The following RBL1 variants were observed in gnomAD, a reference collection of about 807,000 sequenced individuals.
RBL1 encodes RB transcriptional corepressor like 1, also known as retinoblastoma-like protein 1.
RBL1 carries 82 observed loss-of-function variants against 123.0 expected under a neutral mutation model. The observed-to-expected ratio is 0.67, with a 90% CI of 0.56 to 0.80. RBL1 has a LOEUF of 0.80. Ranked by LOEUF, RBL1 falls within the 30% of genes least tolerant of loss-of-function variation. The pLI is 0.00. For missense variants in RBL1, 1,171 were observed against 1,299.6 expected (o/e 0.90, Z 1.52); for synonymous variants, 405 against 441.3 (o/e 0.92, Z 1.03).
At chr20:37,012,547 C>G (rs949611817) in intron 19 of RBL1, among the ~76,000 whole-genome samples, 1 of 151,522 alleles carries the variant, frequency 6.6e-6, no homozygotes, top group Non-Finnish European at 1.5e-5. Flanking sequence ...GCGCCTCTAC[C>G]CGGCCGCGAC....
At chr20:37,022,586 G>A in intron 17 of RBL1, 64 bp downstream of exon 17, 4 of 1,430,062 alleles carry the variant, frequency 2.8e-6, no homozygotes, top group South Asian at 1.6e-5. Context: ...CTTGACCTCC[G>A]AAAGTGCTAG....
rs1367228451 is a variant in RBL1 at position 37,032,792 on chromosome 20, G to A, written c.2255C>T (p.Ser752Leu). Residue 752 changes from serine (S) to leucine (L), a missense_variant, in exon 16 of 22, where the codon TCA becomes TTA. By Grantham distance (145) the Ser-to-Leu change is moderately radical (BLOSUM62 -2). Coordinates refer to ENST00000373664, the MANE Select transcript of RBL1 (RefSeq NM_002895.5). ...NQESKVKSPV[S>L]LTAHSLIGAS... is the part of the protein sequence containing the mutation. The stretch of plus-strand genomic sequence containing the variant: ...ACCAATTAATGAATGAGCAGTAAGT[G>A]ATACAGGACTCTTGACTTTGGACTC... 2 of 1,613,916 alleles carry A rather than the reference G, an allele frequency of 1.2e-6. No individual in the cohort carries two copies. The highest frequency in any genetic ancestry group is 1.7e-6 in the Non-Finnish European group (2 of 1,179,994).
At chr20:37,031,537 A>G (rs2064511227) in intron 16 of RBL1, among the ~76,000 whole-genome samples, 1 of 152,230 alleles carries the variant, frequency 6.6e-6, no homozygotes, top group African/African-American at 2.4e-5. Flanking sequence ...CAAAAAAACA[A>G]ACAAACCAGA....
At chr20:37,027,317 C>T (rs6130371) in intron 16 of RBL1, among the ~76,000 whole-genome samples, 20,777 of 151,834 alleles carry the variant, frequency 0.14, 2,155 homozygotes, top group East Asian at 0.47. Flanking sequence ...CTAGTCTGGG[C>T]GACAGAGCAA....
intron 13 of RBL1, among the ~76,000 whole-genome samples, chr20:37,043,526 G>A (rs1336013239): frequency 5.3e-5 from 8 of 151,620 alleles, no homozygotes; most frequent in East Asian, 3.9e-4. Flanking sequence ...AAAATTAGCC[G>A]GGTGTGGGTG....
intron 2 of RBL1, among the ~76,000 whole-genome samples, chr20:37,085,736 C>T (rs950873874): frequency 9.2e-5 from 13 of 141,380 alleles, no homozygotes; most frequent in Admixed American, 2.3e-4. Flanking sequence ...TCGCTATAAG[C>T]GCCGCCTCCT....
At chr20:37,017,524 G>A (rs573768627) in intron 19 of RBL1, among the ~76,000 whole-genome samples, 4 of 152,108 alleles carry the variant, frequency 2.6e-5, no homozygotes, top group African/African-American at 4.8e-5. Context: ...GATTACTAGT[G>A]CCTGAAGTCT....
At chr20:37,003,291 C>T (rs2064016688) in intron 21 of RBL1, among the ~76,000 whole-genome samples, 1 of 152,156 alleles carries the variant, frequency 6.6e-6, no homozygotes, top group South Asian at 2.1e-4. Flanking sequence ...GAGATGATCA[C>T]AGAGTTGTCT....
chr20:37,067,579 G>A (rs1452638389), intron 3 of RBL1, among the ~76,000 whole-genome samples: 1 of 151,648 alleles, frequency 6.6e-6, no homozygotes, highest in Non-Finnish European at 1.5e-5. Context: ...GACCACCTTG[G>A]CCAACACGGT....
At chr20:37,009,077 T>G (rs2064115428) in intron 19 of RBL1, among the ~76,000 whole-genome samples, 1 of 151,724 alleles carries the variant, frequency 6.6e-6, no homozygotes, top group Non-Finnish European at 1.5e-5. Context: ...CAGCCTGGAG[T>G]GCAGTGGTGC....
intron 16 of RBL1, among the ~76,000 whole-genome samples, chr20:37,030,883 C>T (rs1296284965): frequency 6.9e-6 from 1 of 145,758 alleles, no homozygotes; most frequent in Non-Finnish European, 1.5e-5. Flanking sequence ...AACAAAAAAC[C>T]CAAAAAACGA....
intron 1 of RBL1, 25 bp downstream of exon 1, chr20:37,095,748 G>T: frequency 1.3e-6 from 2 of 1,558,452 alleles, no homozygotes. Context: ...GGTAGGGTCC[G>T]GCCGCCCCAC....
chr20:37,087,250 G>A (rs752801586), intron 2 of RBL1, among the ~76,000 whole-genome samples: 4 of 151,808 alleles, frequency 2.6e-5, no homozygotes, highest in South Asian at 2.1e-4. Flanking sequence ...CAGGAGAATC[G>A]CTTGAACCCG....
At position 37,016,021 on chromosome 20, in the gene RBL1, GTT is replaced by G. The variant is rs1205524942; in HGVS notation, c.2722+2256_2722+2257del. Among the ~76,000 whole-genome samples the G allele has an allele frequency of 3.9e-3, 434 of 112,500 alleles. 1 individual carries two copies. The highest frequency in any genetic ancestry group is 0.013 in the African/African-American group (384 of 30,008). The allele number at this position is 112,500 out of a possible 152,430, so 73.8% of individuals were successfully genotyped here. A position where few individuals can be genotyped will look rare whatever the true frequency, so the allele number is the denominator to read the frequency against. On this transcript the variant is annotated intron_variant, in intron 19 of 21. Transcript: ENST00000373664. ...CAGGCGTGAGCCACCGTGCCCAGCG[GTT>G]TTTTTTTTTTTTTTTTTTTCTTGAG...
chr20:37,043,982 A>G (rs1164051800), intron 13 of RBL1, 104 bp downstream of exon 13: 22 of 895,478 alleles, frequency 2.5e-5, no homozygotes, highest in Non-Finnish European at 3.2e-5. Context: ...TGAATTGTAC[A>G]CTTAAAATGG....
intron 18 of RBL1, 66 bp downstream of exon 18, chr20:37,020,593 T>C: frequency 9.2e-7 from 1 of 1,092,600 alleles, no homozygotes; most frequent in South Asian, 1.5e-5. Flanking sequence ...GTTTACCTTT[T>C]ATATAACTTG....
At chr20:37,028,701 G>C (rs2064461371) in intron 16 of RBL1, among the ~76,000 whole-genome samples, 1 of 152,044 alleles carries the variant, frequency 6.6e-6, no homozygotes, top group Non-Finnish European at 1.5e-5. Flanking sequence ...TCCAGAGGCT[G>C]GCCAACTACT....
At chr20:37,082,031 T>A (rs1285298233) in intron 2 of RBL1, 1 of 456,120 alleles carries the variant, frequency 2.2e-6, no homozygotes, top group South Asian at 1.5e-5. Flanking sequence ...CAGCAGCCCC[T>A]AGAAGACAGC....
At chr20:37,084,823 T>C (rs531968613) in intron 2 of RBL1, among the ~76,000 whole-genome samples, 1 of 152,332 alleles carries the variant, frequency 6.6e-6, no homozygotes, top group South Asian at 2.1e-4. Flanking sequence ...TAGAGTGCAA[T>C]AGCACAATCT....
Sources: gnomAD v4.1 joint callset for allele counts (sites outside exome capture counted in the v4.1 genomes callset) on GRCh38, gnomAD v4.1.1 for gene constraint, MANE v1.5 for transcripts, NCBI Gene and HGNC (gene_info 2026-07-23, HGNC 2026-07-21) for gene names.